Variants in SGIP1 observed in about 807,000 individuals in gnomAD.
SGIP1 encodes the protein SH3GL interacting endocytic adaptor 1.
A neutral mutation model predicts 107.5 loss-of-function variants in SGIP1; 38 were observed. The ratio of observed to expected loss-of-function variants is 0.35; its 90% CI spans 0.27 to 0.46. The LOEUF is 0.46. Among genes scored for constraint, SGIP1 ranks in the 20% least tolerant of loss-of-function variants. The pLI is 1.00. For synonymous variants in SGIP1, 365 were observed against 366.1 expected (o/e 1.00, Z 0.03); for missense variants, 929 against 1,019.5 (o/e 0.91, Z 1.21).
chr1:66,668,315 C>T (rs944970911), intron 9 of SGIP1, among the ~76,000 whole-genome samples: 10 of 152,014 alleles, frequency 6.6e-5, no homozygotes, highest in Non-Finnish European at 1.0e-4. Flanking sequence ...CTCAGCCTCC[C>T]GAGTAGCTAG....
chr1:66,585,222 C>G (rs1465781135), intron 1 of SGIP1, among the ~76,000 whole-genome samples: 1 of 152,132 alleles, frequency 6.6e-6, no homozygotes. Context: ...TTCTTGCATT[C>G]TTAGCCATGT....
intron 1 of SGIP1, among the ~76,000 whole-genome samples, chr1:66,539,133 A>G (rs184414352): frequency 8.3e-4 from 127 of 152,336 alleles, no homozygotes; most frequent in African/African-American, 3.0e-3. Flanking sequence ...GATAATTCTA[A>G]AGGAGTTGGA....
At chr1:66,682,566 T>C (rs1470687322) in intron 15 of SGIP1, among the ~76,000 whole-genome samples, 197 bp downstream of exon 15, 2 of 152,114 alleles carry the variant, frequency 1.3e-5, no homozygotes, top group Admixed American at 6.5e-5. Context: ...TGTGGATGTG[T>C]TCTGCCTTGC....
At chr1:66,733,369 G>A (rs925196257) in intron 20 of SGIP1, among the ~76,000 whole-genome samples, 9 of 152,130 alleles carry the variant, frequency 5.9e-5, no homozygotes, top group Non-Finnish European at 1.2e-4. Context: ...GTAAATAAAC[G>A]TATTCAGTTC....
At chr1:66,573,747 G>A (rs2060700451) in intron 1 of SGIP1, among the ~76,000 whole-genome samples, 1 of 152,028 alleles carries the variant, frequency 6.6e-6, no homozygotes, top group South Asian at 2.1e-4. Flanking sequence ...ATGCACTGGG[G>A]CCTATCACTG....
At chr1:66,741,784 G>A (rs2094452993) in intron 24 of SGIP1, among the ~76,000 whole-genome samples, 1 of 146,978 alleles carries the variant, frequency 6.8e-6, no homozygotes, top group Non-Finnish European at 1.5e-5. Flanking sequence ...TTTTTTTTTG[G>A]TGAGACGGAG....
At chr1:66,545,077 T>G (rs1336404203) in intron 1 of SGIP1, among the ~76,000 whole-genome samples, 1 of 152,186 alleles carries the variant, frequency 6.6e-6, no homozygotes, top group Non-Finnish European at 1.5e-5. Flanking sequence ...TTTCATCCCC[T>G]GCTAACACAT....
At chr1:66,736,641 G>A (rs988322906) in intron 21 of SGIP1, among the ~76,000 whole-genome samples, 1 of 148,736 alleles carries the variant, frequency 6.7e-6, no homozygotes, top group Non-Finnish European at 1.5e-5. Context: ...ATAATATATT[G>A]CGTATTATAT....
chr1:66,612,860 A>G (rs1315082574), intron 1 of SGIP1, among the ~76,000 whole-genome samples: 1 of 152,214 alleles, frequency 6.6e-6, no homozygotes, highest in Non-Finnish European at 1.5e-5. Context: ...CAACATTGGT[A>G]TATTTACATA....
At chr1:66,562,228 G>A (rs939383758) in intron 1 of SGIP1, among the ~76,000 whole-genome samples, 12 of 151,980 alleles carry the variant, frequency 7.9e-5, no homozygotes, top group African/African-American at 2.9e-4. Flanking sequence ...ATTTTGGAGA[G>A]CGGCAACTTC....
intron 1 of SGIP1, among the ~76,000 whole-genome samples, chr1:66,560,760 A>T (rs61501959): frequency 0.016 from 2,406 of 152,190 alleles, 67 homozygotes; most frequent in African/African-American, 0.056. Flanking sequence ...ACAAACTCTG[A>T]AGCCCAACTA....
rs144922149 is a variant in SGIP1 at position 66,611,645 on chromosome 1, A to G, written c.11-14202A>G. Among the ~76,000 whole-genome samples the G allele has an allele frequency of 3.9e-4, 59 of 152,336 alleles. No individual in the cohort carries two copies. In the East Asian group the frequency reaches 0.01, roughly 27 times the overall value. On this transcript the variant is annotated intron_variant, in intron 1 of 24. Transcript: ENST00000371037. ...GTGGCAATCTTGGAGGCCATATCTC[A>G]AAGGTGATAGCTTCATGCGATGGGA... is the stretch of plus-strand genomic sequence containing the variant.
At chr1:66,589,140 T>C (rs1422201299) in intron 1 of SGIP1, among the ~76,000 whole-genome samples, 14 of 135,854 alleles carry the variant, frequency 1.0e-4, no homozygotes, top group African/African-American at 2.2e-4. Context: ...ACCTACATGG[T>C]AACTTTTTCT....
intron 1 of SGIP1, among the ~76,000 whole-genome samples, chr1:66,602,068 G>T (rs113273095): frequency 0.02 from 3,030 of 152,262 alleles, 100 homozygotes; most frequent in African/African-American, 0.069. Flanking sequence ...GTACATAGAG[G>T]AGACTTCATT....
At chr1:66,560,624 T>C (rs1266804650) in intron 1 of SGIP1, among the ~76,000 whole-genome samples, 4 of 152,116 alleles carry the variant, frequency 2.6e-5, no homozygotes, top group Admixed American at 6.6e-5. Context: ...AGAATTTATT[T>C]CTTGACATAA....
intron 18 of SGIP1, among the ~76,000 whole-genome samples, chr1:66,695,959 C>T (rs2090836755): frequency 1.3e-5 from 2 of 152,018 alleles, no homozygotes; most frequent in South Asian, 4.2e-4. Flanking sequence ...TAAATACATT[C>T]TTATGACAAG....
chr1:66,583,027 A>G (rs2062032866), intron 1 of SGIP1, among the ~76,000 whole-genome samples: 1 of 152,064 alleles, frequency 6.6e-6, no homozygotes, highest in Non-Finnish European at 1.5e-5. Flanking sequence ...ACATTTTTAT[A>G]TATATCAAAT....
chr1:66,561,662 A>C (rs2058967154), intron 1 of SGIP1, among the ~76,000 whole-genome samples: 1 of 152,042 alleles, frequency 6.6e-6, no homozygotes, highest in African/African-American at 2.4e-5. Flanking sequence ...GGTAGGGTGC[A>C]AAGTAAAATA....
chr1:66,621,712 C>T (rs1258743861), intron 1 of SGIP1, among the ~76,000 whole-genome samples: 4 of 152,166 alleles, frequency 2.6e-5, no homozygotes, highest in African/African-American at 9.7e-5. Flanking sequence ...TGGCTCTTTG[C>T]GTTTGGCTCC....
Sources: gnomAD v4.1 joint callset for allele counts (sites outside exome capture counted in the v4.1 genomes callset) on GRCh38, gnomAD v4.1.1 for gene constraint, MANE v1.5 for transcripts, NCBI Gene and HGNC (gene_info 2026-07-23, HGNC 2026-07-21) for gene names.